The following CCNY variants were observed in gnomAD, a reference collection of about 807,000 sequenced individuals.
CCNY encodes the protein cyclin Y.
In CCNY, 19 loss-of-function variants were observed where a neutral mutation model predicts 42.8. The observed-to-expected ratio is 0.44, with a 90% CI of 0.31 to 0.65. The LOEUF (loss-of-function observed/expected upper bound fraction) is 0.65. CCNY is among the 30% of genes least tolerant of loss of function. The pLI is 0.07. For synonymous variants in CCNY, 165 were observed against 162.7 expected, an observed-to-expected ratio of 1.01 and a Z score of -0.11; for missense variants, 370 against 437.3, an observed-to-expected ratio of 0.85 and a Z score of 1.37.
chr10:35,418,769 T>C (rs1339166469), intron 1 of CCNY, among the ~76,000 whole-genome samples: 2 of 151,992 alleles, frequency 1.3e-5, no homozygotes, highest in Non-Finnish European at 2.9e-5. Flanking sequence ...TGAGGTGTGA[T>C]GTAGGCGGTT....
At chr10:35,441,398 A>C (rs923788050) in intron 1 of CCNY, among the ~76,000 whole-genome samples, 2 of 152,182 alleles carry the variant, frequency 1.3e-5, no homozygotes, top group Admixed American at 1.3e-4. Flanking sequence ...TGCATTGTGT[A>C]CGTTTCTTGT....
At chr10:35,371,793 G>A (rs1030005552) in intron 1 of CCNY, among the ~76,000 whole-genome samples, 1 of 152,174 alleles carries the variant, frequency 6.6e-6, no homozygotes, top group South Asian at 2.1e-4. Flanking sequence ...GGCAGGAACC[G>A]GGAGAAGCAG....
chr10:35,353,596 C>T (rs1181756623), intron 1 of CCNY, among the ~76,000 whole-genome samples: 15 of 152,306 alleles, frequency 9.8e-5, no homozygotes, highest in Admixed American at 9.1e-4. Flanking sequence ...AGGAGCTGCT[C>T]CTCGGCTCCC....
At chr10:35,468,293 A>G (rs776892228) in intron 1 of CCNY, among the ~76,000 whole-genome samples, 7 of 152,204 alleles carry the variant, frequency 4.6e-5, no homozygotes, top group Non-Finnish European at 1.0e-4. Flanking sequence ...ATCACCTCCC[A>G]GAGGTGCCAC....
chr10:35,430,882 C>G (rs571584630), intron 1 of CCNY, among the ~76,000 whole-genome samples: 1 of 152,098 alleles, frequency 6.6e-6, no homozygotes, highest in South Asian at 2.1e-4. Context: ...AGGCCGATCA[C>G]GATCCGCGGG....
chr10:35,540,952 T>C (rs1341414383), intron 7 of CCNY, among the ~76,000 whole-genome samples: 1 of 152,190 alleles, frequency 6.6e-6, no homozygotes, highest in Non-Finnish European at 1.5e-5. Context: ...TGTTGTTTTT[T>C]CCAAGGAATC....
chr10:35,427,890 C>CCCTGGGCCTAGCA (rs1838303708), intron 1 of CCNY, among the ~76,000 whole-genome samples: 1 of 151,908 alleles, frequency 6.6e-6, no homozygotes, highest in Non-Finnish European at 1.5e-5. Context: ...TGGATCTAGC[C>CCCTGGGCCTAGCA]CCACCTGGGC....
chr10:35,456,424 G>A (rs10764044), intron 1 of CCNY, among the ~76,000 whole-genome samples: 86,445 of 152,130 alleles, frequency 0.57, 25,666 homozygotes, highest in South Asian at 0.66. Flanking sequence ...TTTTGTGATT[G>A]TTTTAATTCA....
intron 1 of CCNY, among the ~76,000 whole-genome samples, chr10:35,431,786 A>G (rs1838417173): frequency 6.6e-6 from 1 of 151,982 alleles, no homozygotes; most frequent in African/African-American, 2.4e-5. Context: ...CCTCGGTTCC[A>G]CCACTCACAG....
chr10:35,312,515 T>A (rs1474577454), intron 3 of CCNY, among the ~76,000 whole-genome samples: 1 of 151,582 alleles, frequency 6.6e-6, no homozygotes, highest in Non-Finnish European at 1.5e-5. Flanking sequence ...ACCACATGGA[T>A]CATTCCTGAT....
chr10:35,276,663 G>C (rs1057241261), intron 3 of CCNY, among the ~76,000 whole-genome samples: 1 of 152,184 alleles, frequency 6.6e-6, no homozygotes, highest in African/African-American at 2.4e-5. Context: ...TGGGATTACA[G>C]GCACGAGCCA....
intron 1 of CCNY, among the ~76,000 whole-genome samples, chr10:35,381,518 A>G (rs1249953882): frequency 1.3e-5 from 2 of 149,890 alleles, no homozygotes; most frequent in Admixed American, 1.3e-4. Flanking sequence ...GTGAGCTGAG[A>G]TTGTGCCATT....
intron 1 of CCNY, among the ~76,000 whole-genome samples, chr10:35,468,073 G>A (rs1408152763): frequency 1.3e-5 from 2 of 152,234 alleles, no homozygotes; most frequent in African/African-American, 4.8e-5. Flanking sequence ...ATAAGCCGTA[G>A]AAATGTATTC....
intron 1 of CCNY, chr10:35,394,857 G>A (rs1437702970): frequency 1.3e-5 from 13 of 984,892 alleles, no homozygotes; most frequent in East Asian, 2.3e-4. Context: ...GTTTCATCAC[G>A]GGCCCTCTCC....
At chr10:35,462,664 G>C (rs1471715009) in intron 1 of CCNY, among the ~76,000 whole-genome samples, 3 of 152,230 alleles carry the variant, frequency 2.0e-5, no homozygotes, top group Non-Finnish European at 2.9e-5. Context: ...GCTTCTCAGA[G>C]TGTGCGGGTG....
intron 2 of CCNY, among the ~76,000 whole-genome samples, chr10:35,488,475 C>T (rs1029800323): frequency 5.3e-5 from 8 of 152,126 alleles, no homozygotes; most frequent in African/African-American, 1.2e-4. Flanking sequence ...GTCTTTGGCT[C>T]GTTCGTGTGT....
chr10:35,559,559 G>A (rs1841425419), intron 8 of CCNY, among the ~76,000 whole-genome samples: 1 of 152,214 alleles, frequency 6.6e-6, no homozygotes, highest in Non-Finnish European at 1.5e-5. Flanking sequence ...AGGGTGCTGG[G>A]ACAGCATTTG....
intron 1 of CCNY, among the ~76,000 whole-genome samples, chr10:35,384,882 G>A (rs1349243145): frequency 6.6e-6 from 1 of 152,122 alleles, no homozygotes; most frequent in East Asian, 1.9e-4. Context: ...TGCCTTGGTG[G>A]GATTATCTAA....
chr10:35,495,705 G>C (rs911043381), intron 2 of CCNY, among the ~76,000 whole-genome samples: 1 of 152,158 alleles, frequency 6.6e-6, no homozygotes, highest in Non-Finnish European at 1.5e-5. Context: ...GTGTGCCTTG[G>C]GGGGAAATGG....
Sources: gnomAD v4.1 joint callset for allele counts (sites outside exome capture counted in the v4.1 genomes callset) on GRCh38, gnomAD v4.1.1 for gene constraint, MANE v1.5 for transcripts, NCBI Gene and HGNC (gene_info 2026-07-23, HGNC 2026-07-21) for gene names.